Variants in ACTL6A observed in about 807,000 individuals in gnomAD.
The protein encoded by ACTL6A is actin-like protein 6A.
A neutral mutation model predicts 59.2 loss-of-function variants in ACTL6A; 5 were observed. The ratio of observed to expected loss-of-function variants is 0.08; its 90% CI spans 0.04 to 0.18. ACTL6A has a LOEUF of 0.18. Ranked by LOEUF, ACTL6A falls within the 10% of genes least tolerant of loss-of-function variation. The pLI, the probability that ACTL6A is intolerant of heterozygous loss-of-function variation, is 1.00. For synonymous variants in ACTL6A, 154 were observed against 171.8 expected (o/e 0.90, Z 0.81); for missense variants, 285 against 526.9 (o/e 0.54, Z 4.49).
chr3:179,584,642 G>A (rs1032339297), intron 12 of ACTL6A, among the ~76,000 whole-genome samples: 9 of 151,600 alleles, frequency 5.9e-5, no homozygotes, highest in Admixed American at 3.3e-4. Context: ...AAAATTAGCC[G>A]GACACGGTGG....
chr3:179,573,675 A>G (rs2108360433), intron 4 of ACTL6A, among the ~76,000 whole-genome samples: 1 of 152,294 alleles, frequency 6.6e-6, no homozygotes, highest in East Asian at 1.9e-4. Context: ...TAAAATATCC[A>G]GAGAACAACA....
At chr3:179,583,014 T>C (rs1469588613) in intron 11 of ACTL6A, among the ~76,000 whole-genome samples, 1 of 152,168 alleles carries the variant, frequency 6.6e-6, no homozygotes, top group East Asian at 1.9e-4. Flanking sequence ...AGTTTGAGGC[T>C]GTGGTACGCT....
At position 179,575,726 on chromosome 3, in the gene ACTL6A, C is replaced by T. The variant is rs1012322282; in HGVS notation, c.477-491C>T. ...TGGAATTCACCTGGAATAGTTTTCC[C>T]GCTCATTGAGTTGGAGGAGATAGGA... On this transcript the variant is annotated intron_variant, in intron 5 of 13. Transcript: ENST00000429709. 9.2e-5 allele frequency among the ~76,000 whole-genome samples: 14 copies of T among 152,298 alleles called. 1 individual carries two copies. The highest frequency in any genetic ancestry group is 3.9e-4 in the East Asian group (2 of 5,188).
chr3:179,575,326 T>C, intron 5 of ACTL6A: 1 of 454,156 alleles, frequency 2.2e-6, no homozygotes, highest in Admixed American at 2.4e-5. Context: ...CAGATTTTAC[T>C]ATTGAATATC....
In ACTL6A at chr3:179,576,334, C is replaced by T. The variant is rs759486123; in HGVS notation, c.571+23C>T. On this transcript the variant is annotated intron_variant, in intron 6 of 13. Transcript: ENST00000429709. Reference sequence around the variant, plus strand: ...AAGGTAAATGTATTTAACCAGGATACACTGAGATGATTTTAGATGCCATGA... The same window carrying T: ...AAGGTAAATGTATTTAACCAGGATATACTGAGATGATTTTAGATGCCATGA... The T allele has an allele frequency of 2.6e-6, 4 of 1,521,350 alleles. No homozygotes were observed. In the South Asian group the frequency reaches 4.9e-5, roughly 19 times the overall value. The allele number at this position is 1,521,350 out of a possible 1,614,324, so 94.2% of individuals were successfully genotyped here.
At chr3:179,578,637 A>C (rs1377462095) in intron 8 of ACTL6A, among the ~76,000 whole-genome samples, 1 of 152,074 alleles carries the variant, frequency 6.6e-6, no homozygotes, top group South Asian at 2.1e-4. Flanking sequence ...AAAAAAACAA[A>C]TGGTAGTTCT....
chr3:179,567,533 C>T (rs917233021), intron 1 of ACTL6A, among the ~76,000 whole-genome samples: 1 of 152,132 alleles, frequency 6.6e-6, no homozygotes, highest in African/African-American at 2.4e-5. Flanking sequence ...GTTAAGGGCT[C>T]CTGGCGCAGG....
Position 179,586,527 on chromosome 3 carries a change from G to T in ACTL6A, c.1123-19G>T. 1.4e-6 allele frequency: 2 copies of T among 1,446,676 alleles called. No homozygotes were observed. The highest frequency in any genetic ancestry group is 1.9e-6 in the Non-Finnish European group (2 of 1,065,096). 89.6% of individuals were successfully genotyped at this position (1,446,676 alleles called of 1,614,324 possible). A position where few individuals can be genotyped will look rare whatever the true frequency, so the allele number is the denominator to read the frequency against. ...AGTCACAAGATTTGATTGTACTAAT[G>T]CATATTCTTCTATTTCAGAGTATGC... On this transcript the variant is annotated intron_variant, in intron 12 of 13. Coordinates refer to ENST00000429709, the MANE Select transcript of ACTL6A (RefSeq NM_004301.5).
rs78203203 is a variant in ACTL6A, at chr3:179,570,931, T to C, written c.277+690T>C. Among the ~76,000 whole-genome samples, 3,409 of 152,256 alleles carry C rather than the reference T, an allele frequency of 0.022. 135 individuals are homozygous for C. Among genetic ancestry groups the C allele is most frequent in the African/African-American group, 0.079 (3,274 of 41,536 alleles). The stretch of plus-strand genomic sequence containing the variant: ...GAAATGAAAAAGGTTTAAACTATTA[T>C]ATAATGCTGGTAGAGATTCTGAAGG... On this transcript the variant is annotated intron_variant, in intron 3 of 13. Transcript: ENST00000429709. The surrounding 1 kb of genome is among the most constrained non-coding windows in gnomAD (Gnocchi z 4.3).
intron 6 of ACTL6A, 98 bp from the exon 7 acceptor site, chr3:179,576,522 C>T: frequency 1.0e-6 from 1 of 974,676 alleles, no homozygotes. Context: ...GTTCATTCTA[C>T]CTGAAAAAGT....
intron 12 of ACTL6A, among the ~76,000 whole-genome samples, chr3:179,584,876 T>C (rs1718439476): frequency 6.6e-6 from 1 of 152,202 alleles, no homozygotes. Context: ...TTATTAGTGG[T>C]TACATATGCC....
intron 3 of ACTL6A, among the ~76,000 whole-genome samples, chr3:179,572,783 G>A (rs1718049369): frequency 6.6e-6 from 1 of 151,912 alleles, no homozygotes; most frequent in African/African-American, 2.4e-5. Context: ...CCAGTGTGGG[G>A]GACAGAACGA....
intron 8 of ACTL6A, 24 bp downstream of exon 8, chr3:179,576,937 C>CA (rs781136588): frequency 1.9e-6 from 3 of 1,581,924 alleles, no homozygotes; most frequent in Non-Finnish European, 2.6e-6. Context: ...ATTCTCTTTA[C>CA]AAAAATGTTA....
chr3:179,581,873 T>G (rs559239264), intron 11 of ACTL6A, among the ~76,000 whole-genome samples: 1 of 152,156 alleles, frequency 6.6e-6, no homozygotes, highest in Non-Finnish European at 1.5e-5. Context: ...AGGAAAAAAA[T>G]TGGTTTTGTT....
Position 179,587,970 on chromosome 3 carries a change from A to C in ACTL6A, c.1250A>C (p.Glu417Ala). The C allele has an allele frequency of 1.9e-6, 3 of 1,607,336 alleles. No individual in the cohort carries two copies. Among genetic ancestry groups the C allele is most frequent in the Non-Finnish European group, 2.5e-6 (3 of 1,178,390 alleles). The change falls in exon 14 of 14, where the codon GAA becomes GCA. Residue 417 changes from glutamate (E) to alanine (A), a missense_variant. Transcript: ENST00000429709. ...QQMWISKQEY[E>A]EGGKQCVERK... ...ATGTGGATTTCCAAGCAAGAATATGAAGAAGGAGGGAAGCAGTGTGTAGAA... is the reference window on the plus strand; with the variant it reads ...ATGTGGATTTCCAAGCAAGAATATGCAGAAGGAGGGAAGCAGTGTGTAGAA...
Position 179,576,633 on chromosome 3 carries a change from C to T in ACTL6A, c.585C>T (p.Ser195=), listed in dbSNP as rs1314238225. Residue 195 remains serine (S), a synonymous_variant, in exon 7 of 14, where the codon TCC becomes TCT. Transcript: ENST00000429709. ...TCTGTTTCATAGGCATTGTGAAATCCCCTCTTGCTGGAGACTTTATTACTA... is the reference window on the plus strand; with the variant it reads ...TCTGTTTCATAGGCATTGTGAAATCTCCTCTTGCTGGAGACTTTATTACTA... The part of the protein sequence containing the change: ...GYVLQQGIVK[S]PLAGDFITMQ... The T allele has an allele frequency of 6.2e-7, 1 of 1,613,082 alleles. No individual in the cohort carries two copies. Among genetic ancestry groups the T allele is most frequent in the Non-Finnish European group, 8.5e-7 (1 of 1,179,308 alleles).
chr3:179,581,573 A>G (rs984696592), intron 11 of ACTL6A, among the ~76,000 whole-genome samples: 2 of 152,252 alleles, frequency 1.3e-5, no homozygotes, highest in Non-Finnish European at 2.9e-5. Context: ...AAGTTATTGT[A>G]GACTGCGCTA....
At chr3:179,573,033 C>G (rs532536733) in intron 3 of ACTL6A, among the ~76,000 whole-genome samples, 21 of 146,188 alleles carry the variant, frequency 1.4e-4, no homozygotes, top group Non-Finnish European at 3.0e-4. Context: ...GAAGGCCATA[C>G]AATTCTTCTG....
intron 4 of ACTL6A, 46 bp downstream of exon 4, chr3:179,573,515 T>G: frequency 8.1e-7 from 1 of 1,237,032 alleles, no homozygotes; most frequent in Non-Finnish European, 1.1e-6. Flanking sequence ...TTGTTTTTTT[T>G]TTTTCTTTTT....
Sources: allele counts gnomAD v4.1 joint callset (sites outside exome capture counted in the v4.1 genomes callset), GRCh38; gene constraint gnomAD v4.1.1; non-coding constraint Gnocchi (gnomAD v3.1); transcripts MANE v1.5; gene names NCBI Gene and HGNC (gene_info 2026-07-23, HGNC 2026-07-21).